The following OXCT1 variants were observed in gnomAD, a reference collection of about 807,000 sequenced individuals.
OXCT1 encodes the protein succinyl-CoA:3-ketoacid coenzyme A transferase 1, mitochondrial.
In OXCT1, 27 loss-of-function variants were observed where a neutral mutation model predicts 69.6. That is an observed-to-expected ratio of 0.39 (90% CI 0.29 to 0.54). The LOEUF (loss-of-function observed/expected upper bound fraction) is 0.54. Among genes scored for constraint, OXCT1 ranks in the 20% least tolerant of loss-of-function variants. The probability of loss-of-function intolerance (pLI) is 0.72; values close to 1 mark genes in which losing one functional copy is unlikely to be tolerated. For synonymous variants in OXCT1, 202 were observed against 217.8 expected (o/e 0.93, Z 0.64); for missense variants, 437 against 650.2 (o/e 0.67, Z 3.57).
intron 3 of OXCT1, among the ~76,000 whole-genome samples, chr5:41,856,515 C>T (rs1749436591): frequency 6.6e-6 from 1 of 152,188 alleles, no homozygotes; most frequent in South Asian, 2.1e-4. Context: ...GTGACCACTC[C>T]AGCTCAGCTG....
chr5:41,763,076 G>T (rs1357159812), intron 13 of OXCT1, among the ~76,000 whole-genome samples: 1 of 152,068 alleles, frequency 6.6e-6, no homozygotes, highest in Non-Finnish European at 1.5e-5. Context: ...TGCCAGTAAA[G>T]TCTTAGAGGG....
At chr5:41,750,266 C>G (rs538470792) in intron 14 of OXCT1, among the ~76,000 whole-genome samples, 1 of 147,382 alleles carries the variant, frequency 6.8e-6, no homozygotes, top group Admixed American at 7.0e-5. Context: ...AGTATCTATT[C>G]ATTTCCTATT....
chr5:41,829,105 G>A (rs1406143620), intron 7 of OXCT1, among the ~76,000 whole-genome samples: 2 of 152,054 alleles, frequency 1.3e-5, no homozygotes, highest in East Asian at 3.9e-4. Context: ...TCCTGAATTA[G>A]GAAGTTCTAT....
At chr5:41,868,805 G>C (rs1750133437) in intron 1 of OXCT1, among the ~76,000 whole-genome samples, 2 of 152,002 alleles carry the variant, frequency 1.3e-5, no homozygotes, top group South Asian at 4.1e-4. Flanking sequence ...TGATAATCAA[G>C]CCTGACAGGG....
rs540099919 is a variant in OXCT1 at position 41,749,221 on chromosome 5, C to CAT, written c.1419+304_1419+305dup. On this transcript the variant is annotated intron_variant, in intron 15 of 16. Coordinates refer to ENST00000196371, the MANE Select transcript of OXCT1 (RefSeq NM_000436.4). ...TAGAAATAATATATTCATAACTTTGCATATATCACCATCCAGCCTGACACT... is the reference window on the plus strand; with the variant it reads ...TAGAAATAATATATTCATAACTTTGCATATATATCACCATCCAGCCTGACACT... Among the ~76,000 whole-genome samples the CAT allele has an allele frequency of 3.3e-5, 5 of 152,154 alleles. No homozygotes were observed. The East Asian group carries it at 9.7e-4, about 29-fold the overall frequency.
intron 13 of OXCT1, among the ~76,000 whole-genome samples, chr5:41,768,082 C>G (rs544397420): frequency 6.6e-6 from 1 of 152,098 alleles, no homozygotes; most frequent in African/African-American, 2.4e-5. Context: ...ACTTCGATAT[C>G]CAAAAGTGTC....
At chr5:41,760,220 G>T (rs532513080) in intron 14 of OXCT1, among the ~76,000 whole-genome samples, 8 of 152,122 alleles carry the variant, frequency 5.3e-5, no homozygotes, top group Non-Finnish European at 1.0e-4. Context: ...TGTGAGAAGA[G>T]AAACTGTTGA....
intron 15 of OXCT1, among the ~76,000 whole-genome samples, chr5:41,740,475 C>T (rs1482667337): frequency 6.6e-6 from 1 of 152,178 alleles, no homozygotes; most frequent in Admixed American, 6.5e-5. Context: ...CTGAAACATT[C>T]CATCATTCTG....
chr5:41,732,712 A>C (rs1229615487), intron 16 of OXCT1, among the ~76,000 whole-genome samples: 1 of 152,248 alleles, frequency 6.6e-6, no homozygotes, highest in Non-Finnish European at 1.5e-5. Context: ...AAATTGATAA[A>C]TGAACAAATG....
intron 13 of OXCT1, among the ~76,000 whole-genome samples, chr5:41,786,392 G>T (rs1009397784): frequency 2.0e-5 from 3 of 152,062 alleles, no homozygotes; most frequent in Non-Finnish European, 1.5e-5. Context: ...TTTGATCCTG[G>T]TGGGTGCCAA....
At chr5:41,848,419 T>C (rs1397683930) in intron 5 of OXCT1, among the ~76,000 whole-genome samples, 1 of 148,488 alleles carries the variant, frequency 6.7e-6, no homozygotes, top group Non-Finnish European at 1.5e-5. Context: ...CTTCACAGAA[T>C]TGGAAAAAAA....
In OXCT1 at chr5:41,807,432, C is replaced by A; in HGVS notation, c.739G>T (p.Glu247Ter). The A allele has an allele frequency of 6.3e-7, 1 of 1,579,980 alleles. No individual in the cohort carries two copies. The highest frequency in any genetic ancestry group is 8.7e-7 in the Non-Finnish European group (1 of 1,149,898). Residue 247 changes from glutamate (E) to a stop codon, truncating the protein, a stop_gained, in exon 8 of 17, where the codon GAA (glutamate) becomes TAA (stop). Coordinates refer to ENST00000196371, the MANE Select transcript of OXCT1 (RefSeq NM_000436.4). LOFTEE classifies it high-confidence loss of function. ...GCAAATGCTCCAATATCCACAATTT[C>A]TTCAACCTAGACAAAGAGAAATTTC... ...AAETTVVEVEEIVDIGAFAPE... is the reference protein window; with the variant it reads ...AAETTVVEVE
intron 13 of OXCT1, among the ~76,000 whole-genome samples, chr5:41,767,718 GTGTGTATATATATATATA>G (rs1339896493): frequency 5.1e-5 from 2 of 39,002 alleles, no homozygotes; most frequent in African/African-American, 4.1e-4. Flanking sequence ...ATATATATGT[GTGTGTATATATATATATA>G]TATATATATA....
At chr5:41,793,139 A>G (rs1455445562) in intron 13 of OXCT1, among the ~76,000 whole-genome samples, 1 of 152,182 alleles carries the variant, frequency 6.6e-6, no homozygotes, top group Non-Finnish European at 1.5e-5. Context: ...ACCTTCCTCA[A>G]AAAATTATTA....
chr5:41,857,740 C>T (rs899559294), intron 3 of OXCT1, among the ~76,000 whole-genome samples: 1 of 152,296 alleles, frequency 6.6e-6, no homozygotes, highest in Admixed American at 6.5e-5. Context: ...CTTTATTACT[C>T]ATTTTTCCCT....
chr5:41,732,899 T>G (rs544838589), intron 16 of OXCT1, among the ~76,000 whole-genome samples: 5 of 152,220 alleles, frequency 3.3e-5, no homozygotes, highest in Admixed American at 2.0e-4. Flanking sequence ...TAACTCTTCA[T>G]AGTATCAAGA....
At chr5:41,765,424 T>C (rs1163261728) in intron 13 of OXCT1, among the ~76,000 whole-genome samples, 13 of 152,176 alleles carry the variant, frequency 8.5e-5, no homozygotes, top group Non-Finnish European at 1.9e-4. Flanking sequence ...CCCACTTCTT[T>C]GGAACTACAT....
At chr5:41,765,396 G>A (rs1744548933) in intron 13 of OXCT1, among the ~76,000 whole-genome samples, 1 of 152,134 alleles carries the variant, frequency 6.6e-6, no homozygotes, top group Non-Finnish European at 1.5e-5. Context: ...GGTCCTTAAA[G>A]GACCATCTGT....
chr5:41,863,476 A>G (rs1406865096), intron 1 of OXCT1, among the ~76,000 whole-genome samples: 1 of 152,136 alleles, frequency 6.6e-6, no homozygotes, highest in East Asian at 1.9e-4. Context: ...AGCCTCCATA[A>G]CCACCATTTC....
Sources: allele counts gnomAD v4.1 joint callset (sites outside exome capture counted in the v4.1 genomes callset), GRCh38; gene constraint gnomAD v4.1.1; transcripts MANE v1.5; gene names NCBI Gene and HGNC (gene_info 2026-07-23, HGNC 2026-07-21).